Variants in ASAP1 observed in about 807,000 individuals in gnomAD.
The protein encoded by ASAP1 is ArfGAP with SH3 domain, ankyrin repeat and PH domain 1, also known as arf-GAP with SH3 domain, ANK repeat and PH domain-containing protein 1.
A neutral mutation model predicts 145.2 loss-of-function variants in ASAP1; 43 were observed. The ratio of observed to expected loss-of-function variants is 0.30; its 90% CI spans 0.23 to 0.38. ASAP1 has a LOEUF of 0.38. Ranked by LOEUF, ASAP1 falls within the 10% of genes least tolerant of loss-of-function variation. ASAP1 has a pLI of 1.00. For synonymous variants in ASAP1, 546 were observed against 515.5 expected (o/e 1.06, Z -0.80); for missense variants, 1,018 against 1,355.3 (o/e 0.75, Z 3.91).
chr8:130,375,869 A>G (rs7832888), intron 2 of ASAP1, among the ~76,000 whole-genome samples: 63,261 of 152,088 alleles, frequency 0.42, 14,019 homozygotes, highest in African/African-American at 0.57. Context: ...GTCTACAGCC[A>G]TACCTTTGCT....
At chr8:130,315,392 T>C (rs1031828328) in intron 3 of ASAP1, among the ~76,000 whole-genome samples, 5 of 151,958 alleles carry the variant, frequency 3.3e-5, no homozygotes, top group Admixed American at 2.0e-4. Flanking sequence ...TGAAACTGGG[T>C]CCCAGGAAAT....
intron 29 of ASAP1, among the ~76,000 whole-genome samples, chr8:130,055,730 T>A (rs559211576): frequency 1.3e-5 from 2 of 152,296 alleles, no homozygotes; most frequent in East Asian, 1.9e-4. Context: ...CTAAAGAGAA[T>A]CATGTAATGG....
At chr8:130,338,456 CA>C (rs1825175165) in intron 3 of ASAP1, among the ~76,000 whole-genome samples, 1 of 152,166 alleles carries the variant, frequency 6.6e-6, no homozygotes, top group Non-Finnish European at 1.5e-5. Flanking sequence ...AGATACGTGT[CA>C]GGTAAATAAA....
At chr8:130,110,869 G>A (rs1316965589) in intron 24 of ASAP1, among the ~76,000 whole-genome samples, 8 of 152,154 alleles carry the variant, frequency 5.3e-5, no homozygotes, top group African/African-American at 1.9e-4. Flanking sequence ...ATGGCATTGT[G>A]TAGCGAGAAG....
chr8:130,223,280 CAG>C (rs1412509418), intron 4 of ASAP1, among the ~76,000 whole-genome samples: 10 of 152,248 alleles, frequency 6.6e-5, no homozygotes, highest in African/African-American at 2.4e-4. Context: ...CTCAGTGACA[CAG>C]AGACTTGGGT....
At chr8:130,201,726 T>C (rs1815883848) in intron 5 of ASAP1, among the ~76,000 whole-genome samples, 1 of 152,246 alleles carries the variant, frequency 6.6e-6, no homozygotes, top group African/African-American at 2.4e-5. Context: ...GATTTCTTTG[T>C]TGTACTTAAA....
chr8:130,330,898 C>T (rs1373722115), intron 3 of ASAP1, among the ~76,000 whole-genome samples: 1 of 152,154 alleles, frequency 6.6e-6, no homozygotes, highest in African/African-American at 2.4e-5. Context: ...CTCTGGGATG[C>T]TCCTGAAAGT....
rs1218580575 is a variant in ASAP1 at position 130,060,976 on chromosome 8, T to A, written c.2795A>T (p.Gln932Leu). ...QKSSQLAELP[Q>L]KPPPGDLPPK... ...GGGCAGGTCTCCAGGTGGTGGCTTT[T>A]GTGGCAACTCTGCCAACTGTGATGA... The change falls in exon 28 of 30, where the codon CAA (glutamine) becomes CTA (leucine). Residue 932 changes from glutamine to leucine, a missense_variant. Physicochemically the swap from Gln to Leu is moderately radical, Grantham distance 113. Transcript: ENST00000518721. 1 of 1,591,812 alleles carries A rather than the reference T, an allele frequency of 6.3e-7. No individual in the cohort carries two copies. The highest frequency in any genetic ancestry group is 1.1e-5 in the South Asian group (1 of 87,464).
chr8:130,331,394 A>G (rs982018065), intron 3 of ASAP1, among the ~76,000 whole-genome samples: 1 of 152,120 alleles, frequency 6.6e-6, no homozygotes, highest in African/African-American at 2.4e-5. Context: ...TTCCTTACTA[A>G]CTGTGTCAAC....
At chr8:130,278,912 T>C (rs191591003) in intron 3 of ASAP1, among the ~76,000 whole-genome samples, 15 of 152,318 alleles carry the variant, frequency 9.8e-5, no homozygotes, top group African/African-American at 3.6e-4. Flanking sequence ...TAGGCATGTT[T>C]ACAAAGCCCT....
At chr8:130,383,399 A>T (rs1348239942) in intron 2 of ASAP1, among the ~76,000 whole-genome samples, 2 of 152,166 alleles carry the variant, frequency 1.3e-5, no homozygotes, top group African/African-American at 4.8e-5. Flanking sequence ...ACCAGTAGAG[A>T]CCATCAAGGG....
At chr8:130,240,008 T>C (rs1021560057) in intron 3 of ASAP1, among the ~76,000 whole-genome samples, 3 of 152,074 alleles carry the variant, frequency 2.0e-5, no homozygotes, top group African/African-American at 7.2e-5. Context: ...TCGGTTATCT[T>C]TGGGGGAATA....
intron 18 of ASAP1, among the ~76,000 whole-genome samples, chr8:130,121,248 C>T (rs189443680): frequency 3.2e-4 from 48 of 152,328 alleles, no homozygotes; most frequent in Non-Finnish European, 6.3e-4. Flanking sequence ...GCCACACTCC[C>T]CGCCAGTCTG....
At chr8:130,142,079 C>T (rs1026675555) in intron 13 of ASAP1, among the ~76,000 whole-genome samples, 3 of 152,162 alleles carry the variant, frequency 2.0e-5, no homozygotes, top group Admixed American at 2.0e-4. Context: ...TATACTATCT[C>T]ATGTACTACC....
At chr8:130,443,116 G>A (rs1830545255) in intron 1 of ASAP1, among the ~76,000 whole-genome samples, 1 of 151,918 alleles carries the variant, frequency 6.6e-6, no homozygotes, top group African/African-American at 2.4e-5. Flanking sequence ...ACGTCGTCCC[G>A]GGCCCTCCCC....
chr8:130,346,949 C>T (rs1011223749), intron 3 of ASAP1, among the ~76,000 whole-genome samples: 8 of 152,126 alleles, frequency 5.3e-5, no homozygotes, highest in Admixed American at 5.2e-4. Context: ...AGGAAGGCTC[C>T]CCATGTTTCA....
intron 27 of ASAP1, among the ~76,000 whole-genome samples, chr8:130,071,047 A>AGAGAGAGAGAGAGAGAGAG (rs1491183461): frequency 7.5e-6 from 1 of 133,734 alleles, no homozygotes; most frequent in African/African-American, 2.9e-5. Context: ...AGAGAGAGAG[A>AGAGAGAGAGAGAGAGAGAG]AAGCAGAGTT....
At chr8:130,112,882 C>A (rs115409963) in intron 23 of ASAP1, among the ~76,000 whole-genome samples, 2 of 152,152 alleles carry the variant, frequency 1.3e-5, no homozygotes, top group African/African-American at 4.8e-5. Context: ...CTGGTATTTG[C>A]GCTTGTGGTG....
In ASAP1 at chr8:130,256,739, T is replaced by TATATATATA. The variant is rs1565142439; in HGVS notation, c.187-19746_187-19745insTATATATAT. 2.5e-3 allele frequency among the ~76,000 whole-genome samples: 236 copies of TATATATATA among 95,860 alleles called. 21 individuals carry two copies. The highest frequency in any genetic ancestry group is 3.4e-3 in the Non-Finnish European group (167 of 49,574). The allele number at this position is 95,860 out of a possible 152,430, so 62.9% of individuals were successfully genotyped here. On this transcript the variant is annotated intron_variant, in intron 3 of 29. Coordinates refer to ENST00000518721, the MANE Select transcript of ASAP1 (RefSeq NM_018482.4). Reference sequence around the variant, plus strand: ...ATCTTCTTCCTGAATATACACATTCTTATATATATATATATATATATATAT... The same window carrying TATATATATA: ...ATCTTCTTCCTGAATATACACATTCTATATATATATATATATATATATATATATATATAT...
Sources: gnomAD v4.1 joint callset for allele counts (sites outside exome capture counted in the v4.1 genomes callset) on GRCh38, gnomAD v4.1.1 for gene constraint, MANE v1.5 for transcripts, NCBI Gene and HGNC (gene_info 2026-07-23, HGNC 2026-07-21) for gene names.